Variants in ARF4 observed in about 807,000 individuals in gnomAD.
ARF4 encodes ADP-ribosylation factor 4.
Under a neutral mutation model 24.3 loss-of-function variants are expected in ARF4, and 5 were observed. The observed-to-expected ratio is 0.21, with a 90% CI of 0.11 to 0.43. The LOEUF (loss-of-function observed/expected upper bound fraction) is 0.43. Among genes scored for constraint, ARF4 ranks in the 20% least tolerant of loss-of-function variants. ARF4 has a pLI of 1.00. For synonymous variants in ARF4, 62 were observed against 73.5 expected (o/e 0.84, Z 0.80); for missense variants, 107 against 213.0 (o/e 0.50, Z 3.10).
chr3:57,591,542 C>T (rs545342826), intron 1 of ARF4, among the ~76,000 whole-genome samples: 2 of 151,626 alleles, frequency 1.3e-5, no homozygotes, highest in East Asian at 3.9e-4. Flanking sequence ...TCTCAGCTCA[C>T]TGCAACCTCC....
chr3:57,587,076 T>C (rs1485299106), intron 1 of ARF4, among the ~76,000 whole-genome samples: 3 of 152,052 alleles, frequency 2.0e-5, no homozygotes, highest in East Asian at 1.9e-4. Context: ...CACAGTACTT[T>C]GGGAGGCTGA....
At position 57,591,432 on chromosome 3, in the gene ARF4, G is replaced by A. The variant is rs540766440; in HGVS notation, c.67+5642C>T. 4.2e-3 allele frequency among the ~76,000 whole-genome samples: 633 copies of A among 150,574 alleles called. 5 individuals carry two copies. The highest frequency in any genetic ancestry group is 0.015 in the African/African-American group (614 of 41,202). On this transcript the variant is annotated intron_variant, in intron 1 of 5. Coordinates refer to ENST00000303436, the MANE Select transcript of ARF4 (RefSeq NM_001660.4). The stretch of plus-strand genomic sequence containing the variant: ...AAAAAAGAATGAAGTACTAATATAC[G>A]CTATAATATGAATGAACTTTTTTCT...
intron 1 of ARF4, among the ~76,000 whole-genome samples, chr3:57,591,471 CTTT>C (rs368262212): frequency 2.8e-5 from 4 of 142,114 alleles, no homozygotes; most frequent in African/African-American, 2.6e-5. Flanking sequence ...CTTTTCTTTT[CTTT>C]TTTTTTTTTT....
intron 3 of ARF4, among the ~76,000 whole-genome samples, chr3:57,578,578 C>T (rs2069933547): frequency 6.6e-6 from 1 of 152,030 alleles, no homozygotes; most frequent in Admixed American, 6.6e-5. Flanking sequence ...CCCCTGGGCT[C>T]AAATGATCCT....
In ARF4 at chr3:57,578,481, C is replaced by A. The variant is rs577302240; in HGVS notation, c.259-1094G>T. 1.3e-4 allele frequency among the ~76,000 whole-genome samples: 15 copies of A among 119,062 alleles called. No individual in the cohort carries two copies. In the East Asian group the frequency reaches 3.1e-3, roughly 25 times the overall value. The allele number at this position is 119,062 out of a possible 152,430, so 78.1% of individuals were successfully genotyped here. On this transcript the variant is annotated intron_variant, in intron 3 of 5. Coordinates refer to ENST00000303436, the MANE Select transcript of ARF4 (RefSeq NM_001660.4). ...AGGTAGTTATCAATTCTTAGAGATA[C>A]AAATATTAGCTTCTTTTCTCAGACA...
rs1482267951 is a variant in ARF4 at position 57,577,331 on chromosome 3, A to G, written c.315T>C (p.Asp105=). 1.2e-6 allele frequency: 2 copies of G among 1,613,410 alleles called. No individual in the cohort carries two copies. The highest frequency in any genetic ancestry group is 2.2e-5 in the East Asian group (1 of 44,822). ...TATTTCTTACCATTTTCTGCAGCTCATCTGCTACTTCCTGAATTCTTTCAC... is the reference window on the plus strand; with the variant it reads ...TATTTCTTACCATTTTCTGCAGCTCGTCTGCTACTTCCTGAATTCTTTCAC... ...NDRERIQEVA[D]ELQKMLLVDE... is the part of the protein sequence containing the mutation. Residue 105 remains aspartate, a synonymous_variant, in exon 4 of 6, where the codon GAT becomes GAC. Transcript: ENST00000303436.
chr3:57,589,690 C>T (rs2070084300), intron 1 of ARF4, among the ~76,000 whole-genome samples: 2 of 151,708 alleles, frequency 1.3e-5, no homozygotes, highest in African/African-American at 4.8e-5. Flanking sequence ...GGCACTCCAG[C>T]CTGGGCAACA....
chr3:57,577,823 G>C (rs1575781481), intron 3 of ARF4, among the ~76,000 whole-genome samples: 1 of 151,822 alleles, frequency 6.6e-6, no homozygotes, highest in Non-Finnish European at 1.5e-5. Context: ...CAAACGATCA[G>C]GCCTGAAATT....
chr3:57,596,448 G>C (rs192337674), intron 1 of ARF4, among the ~76,000 whole-genome samples: 90 of 152,310 alleles, frequency 5.9e-4, no homozygotes, highest in African/African-American at 2.1e-3. Context: ...CGGAGAATGA[G>C]ATTAACAAGG....
intron 5 of ARF4, among the ~76,000 whole-genome samples, chr3:57,575,305 CAAAAAAA>C (rs11294059): frequency 7.4e-6 from 1 of 135,010 alleles, no homozygotes; most frequent in Non-Finnish European, 1.6e-5. Flanking sequence ...CCTCTCCCTT[CAAAAAAA>C]AAAAAAAAGA....
intron 5 of ARF4, among the ~76,000 whole-genome samples, chr3:57,574,540 G>A (rs919695129): frequency 6.6e-6 from 1 of 151,772 alleles, no homozygotes; most frequent in African/African-American, 2.4e-5. Flanking sequence ...CTCCCAAGTA[G>A]CTGGGACTAA....
At chr3:57,576,766 A>C (rs946899566) in intron 4 of ARF4, among the ~76,000 whole-genome samples, 2 of 152,082 alleles carry the variant, frequency 1.3e-5, no homozygotes, top group African/African-American at 4.8e-5. Context: ...CATTAATCCA[A>C]TCTATGGGAA....
At chr3:57,576,273 A>C (rs2069901459) in intron 4 of ARF4, among the ~76,000 whole-genome samples, 2 of 152,176 alleles carry the variant, frequency 1.3e-5, no homozygotes, top group Admixed American at 1.3e-4. Flanking sequence ...GAATGTCCAG[A>C]ATAGGTGACT....
At chr3:57,586,566 C>T (rs1450411861) in intron 1 of ARF4, among the ~76,000 whole-genome samples, 2 of 152,158 alleles carry the variant, frequency 1.3e-5, no homozygotes, top group African/African-American at 4.8e-5. Flanking sequence ...CTGTTCCCCA[C>T]TTCGTACTCG....
intron 5 of ARF4, among the ~76,000 whole-genome samples, chr3:57,572,518 C>T (rs917006003): frequency 6.6e-5 from 10 of 151,676 alleles, no homozygotes; most frequent in Non-Finnish European, 1.5e-4. Context: ...CTTAGTAGTT[C>T]GAGACCAGCC....
intron 1 of ARF4, 141 bp downstream of exon 1, chr3:57,596,933 C>CT: frequency 1.2e-6 from 1 of 848,816 alleles, no homozygotes; most frequent in Non-Finnish European, 1.8e-6. Context: ...ATTGTTCCCC[C>CT]TTAAGAATTC....
chr3:57,594,890 C>T (rs2070162564), intron 1 of ARF4, among the ~76,000 whole-genome samples: 1 of 152,126 alleles, frequency 6.6e-6, no homozygotes, highest in African/African-American at 2.4e-5. Flanking sequence ...CACCTTTTTC[C>T]CTGTTCATGC....
In ARF4 at chr3:57,572,205, A is replaced by G. The variant is rs1265301338; in HGVS notation, c.*7T>C. On this transcript the variant is annotated 3_prime_UTR_variant, in exon 6 of 6. Coordinates refer to ENST00000303436, the MANE Select transcript of ARF4 (RefSeq NM_001660.4). ...AAACATGTCCTTGGTTAGATATCCA[A>G]TTTCATTTAACGTTTTGAAAGCTCA... The G allele has an allele frequency of 1.2e-6, 2 of 1,610,496 alleles. No individual in the cohort carries two copies. Among genetic ancestry groups the G allele is most frequent in the Non-Finnish European group, 1.7e-6 (2 of 1,176,846 alleles).
At chr3:57,591,665 CTA>C (rs1207744761) in intron 1 of ARF4, among the ~76,000 whole-genome samples, 2 of 152,090 alleles carry the variant, frequency 1.3e-5, no homozygotes, top group Non-Finnish European at 2.9e-5. Flanking sequence ...TGGGGTTTCA[CTA>C]TGTTGTCCAG....
Sources: gnomAD v4.1 joint callset for allele counts (sites outside exome capture counted in the v4.1 genomes callset) on GRCh38, gnomAD v4.1.1 for gene constraint, MANE v1.5 for transcripts, NCBI Gene and HGNC (gene_info 2026-07-23, HGNC 2026-07-21) for gene names.